NRXN1: variants seen among roughly 807,000 people sequenced by gnomAD.
NRXN1 encodes neurexin-1.
NRXN1 carries 39 observed loss-of-function variants against 150.9 expected under a neutral mutation model. That is an observed-to-expected ratio of 0.26 (90% CI 0.20 to 0.34). The LOEUF is 0.34. NRXN1 is among the 10% of genes least tolerant of loss of function. The pLI is 1.00. For synonymous variants in NRXN1, 924 were observed against 757.0 expected, an observed-to-expected ratio of 1.22 and a Z score of -3.62; for missense variants, 1,815 against 1,949.9, an observed-to-expected ratio of 0.93 and a Z score of 1.30.
At chr2:50,671,967 T>C (rs1351882770) in intron 5 of NRXN1, among the ~76,000 whole-genome samples, 1 of 151,886 alleles carries the variant, frequency 6.6e-6, no homozygotes, top group Non-Finnish European at 1.5e-5. Flanking sequence ...ATTTGATCTT[T>C]ATTAGTTTTC....
At position 50,026,859 on chromosome 2, in the gene NRXN1, C is replaced by CTTTTTTTTTTTTTTTTTTTTTTT. The variant is rs57580154; in HGVS notation, c.4128+26389_4128+26411dup. Among the ~76,000 whole-genome samples, 13 of 65,240 alleles carry CTTTTTTTTTTTTTTTTTTTTTTT rather than the reference C, an allele frequency of 2.0e-4. 3 individuals are homozygous for CTTTTTTTTTTTTTTTTTTTTTTT. The highest frequency in any genetic ancestry group is 2.7e-4 in the Non-Finnish European group (10 of 37,414). The allele number at this position is 65,240 out of a possible 152,430, so 42.8% of individuals were successfully genotyped here. On this transcript the variant is annotated intron_variant, in intron 21 of 22. Coordinates refer to ENST00000401669, the MANE Select transcript of NRXN1 (RefSeq NM_001330078.2). The stretch of plus-strand genomic sequence containing the variant: ...TTGCATTGTTTAAGTCTTTTCTTTT[C>CTTTTTTTTTTTTTTTTTTTTTTT]TTTTTTTTTTTTTTTTTTTTTTTTT...
At chr2:50,461,872 G>A (rs898171635) in intron 17 of NRXN1, among the ~76,000 whole-genome samples, 23 of 151,942 alleles carry the variant, frequency 1.5e-4, no homozygotes, top group Admixed American at 9.2e-4. Flanking sequence ...ATTCCAGGTG[G>A]AATGAATGCA....
intron 5 of NRXN1, among the ~76,000 whole-genome samples, chr2:50,683,464 C>T (rs10469918): frequency 8.1e-5 from 12 of 148,490 alleles, no homozygotes; most frequent in African/African-American, 2.7e-4. Flanking sequence ...AACCCCGTCT[C>T]TACTAAAAAT....
intron 6 of NRXN1, among the ~76,000 whole-genome samples, chr2:50,621,620 G>A (rs1249280101): frequency 1.3e-5 from 2 of 152,018 alleles, no homozygotes; most frequent in Non-Finnish European, 1.5e-5. Flanking sequence ...GGCCTAAAGC[G>A]TTTCAGCTGA....
At chr2:50,011,025 T>C (rs1170466674) in intron 21 of NRXN1, among the ~76,000 whole-genome samples, 1 of 152,168 alleles carries the variant, frequency 6.6e-6, no homozygotes, top group Admixed American at 6.6e-5. Flanking sequence ...AAATTATTAA[T>C]TAACAACTAA....
chr2:50,938,913 A>T (rs914171077), intron 2 of NRXN1, among the ~76,000 whole-genome samples: 3 of 152,124 alleles, frequency 2.0e-5, no homozygotes, highest in East Asian at 3.9e-4. Context: ...GTAGATTTTT[A>T]AAAAATTAAA....
intron 8 of NRXN1, among the ~76,000 whole-genome samples, chr2:50,565,997 T>C (rs1379303576): frequency 6.6e-6 from 1 of 152,160 alleles, no homozygotes; most frequent in East Asian, 1.9e-4. Context: ...TTTAGTATCA[T>C]TTTCCTGCTG....
At chr2:50,480,077 C>T (rs1056644422) in intron 15 of NRXN1, among the ~76,000 whole-genome samples, 8 of 152,088 alleles carry the variant, frequency 5.3e-5, no homozygotes, top group Non-Finnish European at 1.0e-4. Context: ...CCGGCCTGAT[C>T]CCTTTCTTAA....
At chr2:50,750,972 C>T (rs889764509) in intron 5 of NRXN1, among the ~76,000 whole-genome samples, 2 of 151,806 alleles carry the variant, frequency 1.3e-5, no homozygotes, top group African/African-American at 2.4e-5. Context: ...GGTAGCTATG[C>T]AATAAGAACA....
intron 21 of NRXN1, among the ~76,000 whole-genome samples, chr2:50,010,262 G>T (rs1049246311): frequency 1.3e-5 from 2 of 152,114 alleles, no homozygotes; most frequent in African/African-American, 4.8e-5. Context: ...TACTTACTGA[G>T]ATTAGCTGGG....
At chr2:50,552,540 G>A (rs201671382) in intron 9 of NRXN1, 47 bp downstream of exon 9, 28 of 1,418,006 alleles carry the variant, frequency 2.0e-5, no homozygotes, top group African/African-American at 2.8e-5. Flanking sequence ...GCATGGGTGG[G>A]TGGGGTGCTC....
intron 21 of NRXN1, among the ~76,000 whole-genome samples, chr2:50,043,724 T>G (rs1488388678): frequency 1.3e-5 from 2 of 152,184 alleles, no homozygotes; most frequent in African/African-American, 4.8e-5. Flanking sequence ...TACTGCTGAA[T>G]TTTAAATGCT....
chr2:50,939,302 G>T (rs1460247171), intron 2 of NRXN1, among the ~76,000 whole-genome samples: 1 of 148,934 alleles, frequency 6.7e-6, no homozygotes, highest in Non-Finnish European at 1.5e-5. Context: ...CATATTTTTT[G>T]GAAAACTAGC....
intron 5 of NRXN1, among the ~76,000 whole-genome samples, chr2:50,735,258 A>G (rs1481839779): frequency 6.6e-6 from 1 of 152,048 alleles, no homozygotes; most frequent in African/African-American, 2.4e-5. Flanking sequence ...ATATTTACAT[A>G]TTTTATATTT....
At chr2:50,178,625 C>T (rs1388299770) in intron 18 of NRXN1, among the ~76,000 whole-genome samples, 1 of 151,994 alleles carries the variant, frequency 6.6e-6, no homozygotes, top group Non-Finnish European at 1.5e-5. Context: ...TTCACAGGAA[C>T]AGTAAGTACT....
intron 18 of NRXN1, among the ~76,000 whole-genome samples, chr2:50,130,050 C>CTAATATATAATATATA (rs1705241812): frequency 6.6e-6 from 1 of 152,122 alleles, no homozygotes; most frequent in Non-Finnish European, 1.5e-5. Context: ...AATATATAAG[C>CTAATATATAATATATA]AGGTTATTAT....
At chr2:50,899,286 T>G (rs937919339) in intron 5 of NRXN1, among the ~76,000 whole-genome samples, 6 of 152,134 alleles carry the variant, frequency 3.9e-5, no homozygotes, top group African/African-American at 1.4e-4. Context: ...CAATTTCCAA[T>G]GCAGTACAAT....
chr2:50,521,142 C>G (rs2092777640), intron 12 of NRXN1, among the ~76,000 whole-genome samples: 1 of 152,134 alleles, frequency 6.6e-6, no homozygotes, highest in Non-Finnish European at 1.5e-5. Flanking sequence ...AATGGGTGCA[C>G]TTCACTAGAA....
At chr2:50,576,900 T>C (rs897122404) in intron 8 of NRXN1, among the ~76,000 whole-genome samples, 5 of 152,098 alleles carry the variant, frequency 3.3e-5, no homozygotes, top group African/African-American at 1.2e-4. Flanking sequence ...AGCTCTTCTT[T>C]GGGGCTTTAA....
Sources: allele counts gnomAD v4.1 joint callset (sites outside exome capture counted in the v4.1 genomes callset), GRCh38; gene constraint gnomAD v4.1.1; transcripts MANE v1.5; gene names NCBI Gene and HGNC (gene_info 2026-07-23, HGNC 2026-07-21).